Variants in KCNH8 observed in about 807,000 individuals in gnomAD.
KCNH8 encodes potassium voltage-gated channel subfamily H member 8.
In KCNH8, 70 loss-of-function variants were observed where a neutral mutation model predicts 103.6. That is an observed-to-expected ratio of 0.68 (90% CI 0.56 to 0.82). The LOEUF (loss-of-function observed/expected upper bound fraction) is 0.82. KCNH8 is among the 40% of genes least tolerant of loss of function. The pLI is 0.00. For missense variants in KCNH8, 1,217 were observed against 1,329.9 expected, an observed-to-expected ratio of 0.92 and a Z score of 1.32; for synonymous variants, 498 against 489.4, an observed-to-expected ratio of 1.02 and a Z score of -0.23.
intron 1 of KCNH8, among the ~76,000 whole-genome samples, chr3:19,244,213 C>T (rs2064176591): frequency 6.6e-6 from 1 of 152,138 alleles, no homozygotes; most frequent in Admixed American, 6.5e-5. Flanking sequence ...TCCTTTTCCT[C>T]TGGGATGGGA....
chr3:19,198,015 A>C lies in KCNH8; in HGVS notation c.76+49220A>C, dbSNP rs1422442288. Among the ~76,000 whole-genome samples, 3 of 152,042 alleles carry C rather than the reference A, an allele frequency of 2.0e-5. No homozygotes were observed. The East Asian group carries it at 5.8e-4, about 29-fold the overall frequency. On this transcript the variant is annotated intron_variant, in intron 1 of 15. Coordinates refer to ENST00000328405, the MANE Select transcript of KCNH8 (RefSeq NM_144633.3). ...AAACAGTTTGCAGCAAGGTGTGGGA[A>C]AGGTTTTCGGAAAGGTTGGATTAAG...
At chr3:19,189,624 G>A (rs909442485) in intron 1 of KCNH8, among the ~76,000 whole-genome samples, 2 of 151,866 alleles carry the variant, frequency 1.3e-5, no homozygotes, top group African/African-American at 2.4e-5. Flanking sequence ...CCAAAATTTA[G>A]AATAAGATTT....
intron 15 of KCNH8, among the ~76,000 whole-genome samples, chr3:19,526,324 A>AACGGAAGTTCCAGTTATACTCAAAGC (rs1383855782): frequency 9.2e-5 from 14 of 151,992 alleles, no homozygotes; most frequent in Non-Finnish European, 1.3e-4. Flanking sequence ...TCTGCCTATC[A>AACGGAAGTTCCAGTTATACTCAAAGC]ACGGAAGTTC....
chr3:19,350,731 A>C (rs2065789090), intron 5 of KCNH8, among the ~76,000 whole-genome samples: 1 of 152,164 alleles, frequency 6.6e-6, no homozygotes. Flanking sequence ...TCTGTACGTC[A>C]CCATCATCAG....
At chr3:19,334,565 C>CT (rs911160320) in intron 3 of KCNH8, among the ~76,000 whole-genome samples, 2 of 151,422 alleles carry the variant, frequency 1.3e-5, no homozygotes, top group East Asian at 1.9e-4. Flanking sequence ...GAGTCACAGG[C>CT]TTTTTTTTAA....
intron 15 of KCNH8, among the ~76,000 whole-genome samples, chr3:19,530,827 A>T (rs2069147254): frequency 6.6e-6 from 1 of 152,220 alleles, no homozygotes; most frequent in Admixed American, 6.5e-5. Context: ...TACCAAACTT[A>T]GAAGTCCTAA....
chr3:19,521,091 A>G (rs79345751), intron 15 of KCNH8, among the ~76,000 whole-genome samples: 10,868 of 151,990 alleles, frequency 0.072, 435 homozygotes, highest in South Asian at 0.1. Flanking sequence ...AAAATGTCAC[A>G]ATAGGGCCAT....
chr3:19,368,112 C>G (rs1048555816), intron 5 of KCNH8, among the ~76,000 whole-genome samples: 6 of 152,006 alleles, frequency 3.9e-5, no homozygotes, highest in African/African-American at 1.4e-4. Context: ...TAAAAATTAT[C>G]TAATCATTGC....
intron 3 of KCNH8, among the ~76,000 whole-genome samples, chr3:19,310,959 G>A (rs6782326): frequency 0.44 from 66,887 of 151,482 alleles, 16,331 homozygotes; most frequent in African/African-American, 0.66. Flanking sequence ...CACTCCATCA[G>A]ATTGATTGCT....
At chr3:19,477,204 G>A (rs1457956130) in intron 11 of KCNH8, among the ~76,000 whole-genome samples, 1 of 152,062 alleles carries the variant, frequency 6.6e-6, no homozygotes. Context: ...AAGTGGGACG[G>A]ACCCATGCAT....
At chr3:19,471,914 G>T (rs974944705) in intron 11 of KCNH8, among the ~76,000 whole-genome samples, 2 of 152,110 alleles carry the variant, frequency 1.3e-5, no homozygotes, top group African/African-American at 4.8e-5. Context: ...AGCCAAATAC[G>T]TAAGTAAAAA....
At chr3:19,286,027 G>A (rs1326297201) in intron 3 of KCNH8, among the ~76,000 whole-genome samples, 1 of 152,190 alleles carries the variant, frequency 6.6e-6, no homozygotes, top group African/African-American at 2.4e-5. Flanking sequence ...AATTTTAGGT[G>A]ATGAAACAGC....
chr3:19,223,478 A>G (rs2063897812), intron 1 of KCNH8, among the ~76,000 whole-genome samples: 1 of 152,116 alleles, frequency 6.6e-6, no homozygotes, highest in South Asian at 2.1e-4. Flanking sequence ...GTTTATCTTT[A>G]TATCATTCCA....
intron 11 of KCNH8, among the ~76,000 whole-genome samples, chr3:19,492,185 C>A (rs1443039092): frequency 2.0e-5 from 3 of 152,068 alleles, no homozygotes; most frequent in African/African-American, 7.2e-5. Context: ...TTAATTAGAT[C>A]GGACTTGTCA....
intron 1 of KCNH8, among the ~76,000 whole-genome samples, chr3:19,157,389 T>C (rs1367072342): frequency 6.6e-6 from 1 of 152,118 alleles, no homozygotes; most frequent in African/African-American, 2.4e-5. Flanking sequence ...TTGTATTAAT[T>C]TGGTACAGTT....
chr3:19,516,115 C>G (rs1378071200), intron 14 of KCNH8, among the ~76,000 whole-genome samples: 1 of 152,046 alleles, frequency 6.6e-6, no homozygotes, highest in Non-Finnish European at 1.5e-5. Flanking sequence ...TAGGCAGAGA[C>G]AATCCAAAAC....
At chr3:19,263,680 G>C (rs1187372468) in intron 2 of KCNH8, among the ~76,000 whole-genome samples, 1 of 152,060 alleles carries the variant, frequency 6.6e-6, no homozygotes, top group South Asian at 2.1e-4. Flanking sequence ...AGATTACATA[G>C]CATAACTTCT....
chr3:19,164,519 ATTGT>A (rs1368681657), intron 1 of KCNH8, among the ~76,000 whole-genome samples: 2 of 152,212 alleles, frequency 1.3e-5, no homozygotes, highest in Non-Finnish European at 1.5e-5. Flanking sequence ...GGTTTAATAA[ATTGT>A]CAAAAGTCAC....
intron 1 of KCNH8, among the ~76,000 whole-genome samples, chr3:19,221,162 T>A (rs1253150948): frequency 6.6e-6 from 1 of 152,230 alleles, no homozygotes; most frequent in African/African-American, 2.4e-5. Context: ...GAGCAGTATA[T>A]ACTTAAATAG....
Sources: gnomAD v4.1 joint callset for allele counts (sites outside exome capture counted in the v4.1 genomes callset) on GRCh38, gnomAD v4.1.1 for gene constraint, MANE v1.5 for transcripts, NCBI Gene and HGNC (gene_info 2026-07-23, HGNC 2026-07-21) for gene names.